The following HGD variants were observed in gnomAD, a reference collection of about 807,000 sequenced individuals.
HGD encodes the protein homogentisate 1,2-dioxygenase.
Under a neutral mutation model 60.8 loss-of-function variants are expected in HGD, and 61 were observed. That is an observed-to-expected ratio of 1.00 (90% CI 0.82 to 1.24). The LOEUF (loss-of-function observed/expected upper bound fraction) is 1.24, where lower values mean the gene tolerates loss of function less well. Ranked by LOEUF, HGD falls within the 50% of genes most tolerant of loss-of-function variation. HGD has a pLI of 0.00. For synonymous variants in HGD, 212 were observed against 187.7 expected (o/e 1.13, Z -1.06); for missense variants, 542 against 547.1 (o/e 0.99, Z 0.09).
intron 11 of HGD, among the ~76,000 whole-genome samples, chr3:120,639,744 G>A (rs888568604): frequency 1.3e-5 from 2 of 152,184 alleles, no homozygotes; most frequent in Non-Finnish European, 2.9e-5. Flanking sequence ...AGAAAAGTCT[G>A]AGAAGTGGTT....
intron 4 of HGD, among the ~76,000 whole-genome samples, chr3:120,656,566 G>GT (rs1341324885): frequency 6.6e-6 from 1 of 151,068 alleles, no homozygotes; most frequent in African/African-American, 2.4e-5. Context: ...TTTTTTTTGG[G>GT]GGGGGGTTGG....
intron 4 of HGD, among the ~76,000 whole-genome samples, chr3:120,662,513 C>A (rs1233031029): frequency 6.6e-6 from 1 of 152,110 alleles, no homozygotes; most frequent in Non-Finnish European, 1.5e-5. Context: ...GAACTGGGAT[C>A]TCTGGGGAGC....
At chr3:120,642,537 A>G (rs143630374) in intron 10 of HGD, among the ~76,000 whole-genome samples, 226 of 152,338 alleles carry the variant, frequency 1.5e-3, no homozygotes, top group Non-Finnish European at 2.7e-3. Flanking sequence ...AAAAATACAT[A>G]AAGCATTGAC....
At chr3:120,660,589 C>T (rs1941631235) in intron 4 of HGD, among the ~76,000 whole-genome samples, 1 of 152,160 alleles carries the variant, frequency 6.6e-6, no homozygotes, top group Non-Finnish European at 1.5e-5. Flanking sequence ...CTTTGGGAGG[C>T]CGAGGCGGCC....
chr3:120,668,400 AC>A (rs547690531), intron 4 of HGD, among the ~76,000 whole-genome samples: 15 of 152,050 alleles, frequency 9.9e-5, no homozygotes, highest in Non-Finnish European at 2.1e-4. Flanking sequence ...AATTATTTTG[AC>A]TTTTGTCTTA....
intron 4 of HGD, among the ~76,000 whole-genome samples, chr3:120,665,655 T>C (rs1162117262): frequency 1.3e-5 from 2 of 152,246 alleles, no homozygotes; most frequent in Admixed American, 6.5e-5. Flanking sequence ...AAATGAAGGC[T>C]TTAGGGGGAG....
intron 6 of HGD, 95 bp downstream of exon 6, chr3:120,650,679 A>T: frequency 1.2e-6 from 1 of 848,120 alleles, no homozygotes; most frequent in Non-Finnish European, 2.1e-6. Context: ...ATGTATGTGC[A>T]TATGTGACTT....
chr3:120,644,795 C>A (rs1259371816), intron 9 of HGD, among the ~76,000 whole-genome samples: 1 of 152,160 alleles, frequency 6.6e-6, no homozygotes, highest in African/African-American at 2.4e-5. Context: ...AGAACTTTTT[C>A]TTTTGAAGGA....
At chr3:120,644,693 T>C (rs1296225516) in intron 9 of HGD, 5 of 1,223,332 alleles carry the variant, frequency 4.1e-6, no homozygotes, top group Non-Finnish European at 5.7e-6. Flanking sequence ...AACAAAACAA[T>C]CTTATATGCA....
intron 4 of HGD, among the ~76,000 whole-genome samples, chr3:120,658,420 T>C (rs1344230849): frequency 6.6e-6 from 1 of 152,216 alleles, no homozygotes; most frequent in Non-Finnish European, 1.5e-5. Context: ...TGACCTAATG[T>C]CCCACATCCA....
intron 13 of HGD, among the ~76,000 whole-genome samples, chr3:120,630,026 T>A (rs763487199): frequency 2.0e-4 from 31 of 152,092 alleles, no homozygotes; most frequent in Middle Eastern, 3.4e-3. Flanking sequence ...CATTCACAAC[T>A]GCCACAAAAA....
chr3:120,677,300 C>T (rs370692175), intron 1 of HGD, among the ~76,000 whole-genome samples: 79 of 152,298 alleles, frequency 5.2e-4, no homozygotes, highest in African/African-American at 1.7e-3. Flanking sequence ...AGCCATATTT[C>T]TCTTCTTTCA....
chr3:120,655,810 T>C (rs894244822), intron 4 of HGD, among the ~76,000 whole-genome samples: 1 of 152,252 alleles, frequency 6.6e-6, no homozygotes, highest in African/African-American at 2.4e-5. Flanking sequence ...CTCTGTGATC[T>C]TCAGGAAAGC....
At chr3:120,657,837 GA>G (rs1941543905) in intron 4 of HGD, among the ~76,000 whole-genome samples, 1 of 128,138 alleles carries the variant, frequency 7.8e-6, no homozygotes, top group Non-Finnish European at 1.8e-5. Context: ...GAGAGAGAGA[GA>G]AAGAGAGAGA....
At chr3:120,635,008 C>T (rs562943221) in intron 12 of HGD, among the ~76,000 whole-genome samples, 2 of 152,340 alleles carry the variant, frequency 1.3e-5, no homozygotes, top group East Asian at 1.9e-4. Flanking sequence ...AAGCTCCTTG[C>T]TCTAGTATGT....
intron 4 of HGD, among the ~76,000 whole-genome samples, chr3:120,660,182 T>G (rs988770982): frequency 3.3e-5 from 5 of 152,188 alleles, no homozygotes; most frequent in African/African-American, 1.2e-4. Flanking sequence ...CTATGCTTCC[T>G]GTACACCCTG....
chr3:120,654,318 G>A (rs544740725), intron 4 of HGD, among the ~76,000 whole-genome samples: 3 of 152,290 alleles, frequency 2.0e-5, no homozygotes, highest in Admixed American at 2.0e-4. Context: ...CCACTCATGA[G>A]AATCACATGG....
chr3:120,677,516 T>TA (rs1708153927), intron 1 of HGD, among the ~76,000 whole-genome samples: 1 of 152,150 alleles, frequency 6.6e-6, no homozygotes, highest in Non-Finnish European at 1.5e-5. Context: ...TCCCGCCTAA[T>TA]AAATTTTGGT....
chr3:120,679,627 A>G (rs911193997), intron 1 of HGD, among the ~76,000 whole-genome samples: 3 of 152,194 alleles, frequency 2.0e-5, no homozygotes, highest in Admixed American at 6.5e-5. Context: ...AAGTGTCATT[A>G]TAAGAGGGAG....
Sources: gnomAD v4.1 joint callset for allele counts (sites outside exome capture counted in the v4.1 genomes callset) on GRCh38, gnomAD v4.1.1 for gene constraint, MANE v1.5 for transcripts, NCBI Gene and HGNC (gene_info 2026-07-23, HGNC 2026-07-21) for gene names.